Variants in MICU1 observed in about 807,000 individuals in gnomAD.
The protein encoded by MICU1 is mitochondrial calcium uptake 1.
Under a neutral mutation model 56.8 loss-of-function variants are expected in MICU1, and 45 were observed. The observed-to-expected ratio is 0.79, with a 90% confidence interval of 0.62 to 1.02. The LOEUF (loss-of-function observed/expected upper bound fraction) is 1.02, where lower values mean the gene tolerates loss of function less well. Among genes scored for constraint, MICU1 ranks in the 50% least tolerant of loss-of-function variants. MICU1 has a pLI of 0.00. For missense variants in MICU1, 504 were observed against 587.1 expected, an observed-to-expected ratio of 0.86 and a Z score of 1.46; for synonymous variants, 186 against 195.1, an observed-to-expected ratio of 0.95 and a Z score of 0.39.
intron 8 of MICU1, among the ~76,000 whole-genome samples, chr10:72,434,649 C>G (rs1305541189): frequency 6.6e-6 from 1 of 152,126 alleles, no homozygotes; most frequent in Non-Finnish European, 1.5e-5. Flanking sequence ...TCTGTTAGAA[C>G]AAAATATAAC....
intron 6 of MICU1, among the ~76,000 whole-genome samples, chr10:72,491,184 T>C (rs887101343): frequency 3.9e-5 from 6 of 152,228 alleles, no homozygotes; most frequent in African/African-American, 1.4e-4. Context: ...CTGAGACAAG[T>C]TGGATGATTC....
At chr10:72,603,764 A>C (rs534165310) in intron 1 of MICU1, among the ~76,000 whole-genome samples, 2 of 152,278 alleles carry the variant, frequency 1.3e-5, no homozygotes, top group Admixed American at 6.5e-5. Flanking sequence ...AAATCATGCC[A>C]TTGCACTCCA....
At chr10:72,504,527 G>T (rs1225643168) in intron 6 of MICU1, among the ~76,000 whole-genome samples, 1 of 152,124 alleles carries the variant, frequency 6.6e-6, no homozygotes, top group East Asian at 1.9e-4. Context: ...AAAAATCCTA[G>T]AAGAAAACCT....
intron 2 of MICU1, among the ~76,000 whole-genome samples, chr10:72,563,826 T>C (rs937201381): frequency 6.6e-6 from 1 of 152,166 alleles, no homozygotes; most frequent in African/African-American, 2.4e-5. Context: ...TTGTTCTTCA[T>C]CTCACTCCAA....
intron 5 of MICU1, among the ~76,000 whole-genome samples, chr10:72,524,381 G>A (rs949275906): frequency 6.6e-6 from 1 of 152,154 alleles, no homozygotes; most frequent in African/African-American, 2.4e-5. Flanking sequence ...GGGATTACAA[G>A]CATGAGCCAC....
At chr10:72,428,022 A>C (rs1249156774) in intron 8 of MICU1, among the ~76,000 whole-genome samples, 2 of 152,140 alleles carry the variant, frequency 1.3e-5, no homozygotes, top group Non-Finnish European at 2.9e-5. Context: ...TCATAGTTTG[A>C]ATTGAAATCT....
At chr10:72,405,097 T>C (rs1449579097) in intron 10 of MICU1, among the ~76,000 whole-genome samples, 1 of 151,900 alleles carries the variant, frequency 6.6e-6, no homozygotes, top group African/African-American at 2.4e-5. Context: ...TAGTTACAGA[T>C]GGGGTTTCAC....
At chr10:72,605,664 G>C (rs988074066) in intron 1 of MICU1, among the ~76,000 whole-genome samples, 1 of 152,202 alleles carries the variant, frequency 6.6e-6, no homozygotes, top group Non-Finnish European at 1.5e-5. Flanking sequence ...CACTGTAGTA[G>C]ATATGAGTAG....
intron 8 of MICU1, among the ~76,000 whole-genome samples, chr10:72,442,853 T>A (rs1864982800): frequency 6.6e-6 from 1 of 152,158 alleles, no homozygotes; most frequent in Admixed American, 6.5e-5. Context: ...GCCTCCTGGG[T>A]TCAAGTAATT....
At chr10:72,588,148 G>A (rs561587925) in intron 1 of MICU1, among the ~76,000 whole-genome samples, 2 of 152,232 alleles carry the variant, frequency 1.3e-5, no homozygotes, top group African/African-American at 4.8e-5. Flanking sequence ...TTAAAAGTGT[G>A]TAGTACTTCC....
rs1246062078 is a variant in MICU1, at chr10:72,569,229, A to ATTTTT, written c.-1-2436_-1-2435insAAAAA. Among the ~76,000 whole-genome samples, 61 of 37,722 alleles carry ATTTTT rather than the reference A, an allele frequency of 1.6e-3. 1 individual carries two copies. Among genetic ancestry groups the ATTTTT allele is most frequent in the Non-Finnish European group, 2.4e-3 (41 of 16,922 alleles). 24.7% of individuals were successfully genotyped at this position (37,722 alleles called of 152,430 possible). On this transcript the variant is annotated intron_variant, in intron 1 of 11. Coordinates refer to ENST00000361114, the MANE Select transcript of MICU1 (RefSeq NM_001195518.2). ...TGCATATATATATATATATATATAT[A>ATTTTT]TATATATATTTTTTTTTTTTTTTGA...
At chr10:72,382,003 C>CACACAT (rs1393394559) in intron 10 of MICU1, among the ~76,000 whole-genome samples, 1 of 146,378 alleles carries the variant, frequency 6.8e-6, no homozygotes, top group Non-Finnish European at 1.5e-5. Context: ...CACACACACA[C>CACACAT]ACATTAAGAT....
At chr10:72,390,892 G>A (rs1258975526) in intron 10 of MICU1, among the ~76,000 whole-genome samples, 1 of 152,222 alleles carries the variant, frequency 6.6e-6, no homozygotes, top group Non-Finnish European at 1.5e-5. Context: ...TCTTGAGGGT[G>A]GAACCCTGTG....
chr10:72,465,156 A>T (rs1464751935), intron 8 of MICU1, among the ~76,000 whole-genome samples: 2 of 152,014 alleles, frequency 1.3e-5, no homozygotes, highest in African/African-American at 4.8e-5. Context: ...GTGCACCACT[A>T]CGCCTGGCTA....
At chr10:72,484,443 A>G (rs540048869) in intron 6 of MICU1, among the ~76,000 whole-genome samples, 1 of 152,336 alleles carries the variant, frequency 6.6e-6, no homozygotes, top group East Asian at 1.9e-4. Flanking sequence ...TCCAGGAGGA[A>G]AAGAAATTAG....
rs191874132 is a variant in MICU1, at chr10:72,610,971, G to A, written c.-2+15039C>T. On this transcript the variant is annotated intron_variant, in intron 1 of 11. Transcript: ENST00000361114. The stretch of plus-strand genomic sequence containing the variant: ...AACTTCCTGCTGCCACAAAAAAGTA[G>A]GCAAGTAACTGGATTAAAATTCTAA... Among the ~76,000 whole-genome samples the A allele has an allele frequency of 1.0e-3, 159 of 152,220 alleles. 1 individual carries two copies. Among genetic ancestry groups the A allele is most frequent in the Middle Eastern group, 0.01 (3 of 294 alleles).
rs77286385 is a variant in MICU1, at chr10:72,486,870, T to A, written c.653-9614A>T. On this transcript the variant is annotated intron_variant, in intron 6 of 11. Transcript: ENST00000361114. ...ACCTATGCGTGGATTTAAAAAAAAA[T>A]TTGCACCAAAATAAACTCATACTAA... 6.8e-3 allele frequency among the ~76,000 whole-genome samples: 1,029 copies of A among 152,160 alleles called. 15 individuals carry two copies. The highest frequency in any genetic ancestry group is 0.023 in the African/African-American group (966 of 41,514).
chr10:72,548,932 A>G (rs1051797228), intron 4 of MICU1, among the ~76,000 whole-genome samples: 2 of 152,124 alleles, frequency 1.3e-5, no homozygotes, highest in East Asian at 3.9e-4. Flanking sequence ...CCTAACCTCA[A>G]GAGATCTGCC....
At chr10:72,400,472 G>C (rs564773095) in intron 10 of MICU1, among the ~76,000 whole-genome samples, 1 of 152,128 alleles carries the variant, frequency 6.6e-6, no homozygotes, top group African/African-American at 2.4e-5. Context: ...CTGGCCGGGC[G>C]TGGTGGCTCA....
Sources: gnomAD v4.1 joint callset for allele counts (sites outside exome capture counted in the v4.1 genomes callset) on GRCh38, gnomAD v4.1.1 for gene constraint, MANE v1.5 for transcripts, NCBI Gene and HGNC (gene_info 2026-07-23, HGNC 2026-07-21) for gene names.